The following EIF4H variants were observed in gnomAD, a reference collection of about 807,000 sequenced individuals.
EIF4H encodes the protein eukaryotic translation initiation factor 4H.
In EIF4H, 8 loss-of-function variants were observed where a neutral mutation model predicts 30.6. The observed-to-expected ratio is 0.26, with a 90% CI of 0.15 to 0.47. The LOEUF (loss-of-function observed/expected upper bound fraction) is 0.47. Ranked by LOEUF, EIF4H falls within the 20% of genes least tolerant of loss-of-function variation. The pLI is 0.99. For missense variants in EIF4H, 188 were observed against 339.5 expected (o/e 0.55, Z 3.51); for synonymous variants, 106 against 122.7 (o/e 0.86, Z 0.90).
At chr7:74,187,575 TG>T in intron 1 of EIF4H, 35 bp from the exon 2 acceptor site, 1 of 1,505,274 alleles carries the variant, frequency 6.6e-7, no homozygotes. Context: ...TATTCCACTC[TG>T]GGCACACTTG....
chr7:74,184,554 C>T (rs999085224), intron 1 of EIF4H, among the ~76,000 whole-genome samples: 4 of 152,112 alleles, frequency 2.6e-5, no homozygotes, highest in Non-Finnish European at 5.9e-5. Context: ...CATTACGCAT[C>T]ACTAGATGTT....
intron 2 of EIF4H, 54 bp from the exon 3 acceptor site, chr7:74,189,619 A>G (rs1219274726): frequency 6.2e-7 from 1 of 1,601,756 alleles, no homozygotes; most frequent in Non-Finnish European, 8.5e-7. Flanking sequence ...GGATCTTCCC[A>G]CATCTTTAAC....
chr7:74,196,901 A>T lies in EIF4H; in HGVS notation c.*1593A>T, dbSNP rs1277722183. 5.2e-5 allele frequency: 8 copies of T among 152,758 alleles called. No individual in the cohort carries two copies. The highest frequency in any genetic ancestry group is 4.1e-4 in the South Asian group (2 of 4,826). The allele number at this position is 152,758 out of a possible 1,614,324, so 9.5% of individuals were successfully genotyped here. A position where few individuals can be genotyped will look rare whatever the true frequency, so the allele number is the denominator to read the frequency against. On this transcript the variant is annotated 3_prime_UTR_variant, in exon 7 of 7. Transcript: ENST00000265753. ...TAATCAAACCCGATGCTTTCAGATG[A>T]CCTACTTACATCTTCAATGTGGATA... is the stretch of plus-strand genomic sequence containing the variant.
chr7:74,194,632 C>A, intron 5 of EIF4H, 109 bp from the exon 6 acceptor site: 2 of 1,421,552 alleles, frequency 1.4e-6, no homozygotes, highest in Admixed American at 2.6e-5. Flanking sequence ...AGATAGTGGA[C>A]AAACTAAAGA....
intron 4 of EIF4H, 69 bp from the exon 5 acceptor site, chr7:74,190,178 G>A: frequency 1.3e-6 from 2 of 1,502,394 alleles, no homozygotes; most frequent in South Asian, 1.1e-5. Flanking sequence ...TCTTCCAAAT[G>A]AATTTTTCCA....
intron 1 of EIF4H, among the ~76,000 whole-genome samples, chr7:74,175,885 A>G (rs1009205088): frequency 1.3e-5 from 2 of 152,140 alleles, no homozygotes; most frequent in Non-Finnish European, 1.5e-5. Flanking sequence ...CTTCAGACAC[A>G]TTTGCCAGCT....
At chr7:74,187,929 A>C in intron 2 of EIF4H, 131 bp downstream of exon 2, 2 of 1,055,110 alleles carry the variant, frequency 1.9e-6, no homozygotes. Context: ...TGCCTGGTCT[A>C]AGTGGCCGAA....
chr7:74,178,525 C>T (rs991090442), intron 1 of EIF4H, among the ~76,000 whole-genome samples: 12 of 149,690 alleles, frequency 8.0e-5, no homozygotes, highest in East Asian at 2.0e-4. Context: ...CCAGCCTGGG[C>T]GACAGAGAGA....
At chr7:74,189,632 A>G in intron 2 of EIF4H, 41 bp from the exon 3 acceptor site, 1 of 1,608,976 alleles carries the variant, frequency 6.2e-7, no homozygotes, top group Non-Finnish European at 8.5e-7. Context: ...TCTTTAACCC[A>G]GAATTACTTG....
chr7:74,176,246 T>G (rs1554707649), intron 1 of EIF4H, among the ~76,000 whole-genome samples: 1 of 151,986 alleles, frequency 6.6e-6, no homozygotes, highest in East Asian at 1.9e-4. Flanking sequence ...ATTCTTTTTT[T>G]TTTTTTTTGA....
intron 1 of EIF4H, among the ~76,000 whole-genome samples, chr7:74,175,169 G>A (rs1800809747): frequency 6.6e-6 from 1 of 152,234 alleles, no homozygotes; most frequent in Non-Finnish European, 1.5e-5. Flanking sequence ...GCGTCGTCCT[G>A]ATTGTTGTCA....
intron 1 of EIF4H, among the ~76,000 whole-genome samples, chr7:74,181,068 T>C (rs1341340918): frequency 1.3e-5 from 2 of 152,196 alleles, no homozygotes; most frequent in African/African-American, 4.8e-5. Context: ...TTTAGTGGCA[T>C]GGAGTACCTT....
At chr7:74,183,243 C>T (rs1293777630) in intron 1 of EIF4H, among the ~76,000 whole-genome samples, 1 of 152,160 alleles carries the variant, frequency 6.6e-6, no homozygotes, top group Non-Finnish European at 1.5e-5. Flanking sequence ...CCCTAATGGG[C>T]AGTAGAAAGG....
At chr7:74,183,093 T>A (rs782318176) in intron 1 of EIF4H, among the ~76,000 whole-genome samples, 5 of 152,228 alleles carry the variant, frequency 3.3e-5, no homozygotes, top group Non-Finnish European at 5.9e-5. Context: ...TTCATAGACA[T>A]GCAGATACGT....
intron 1 of EIF4H, 44 bp downstream of exon 1, chr7:74,174,486 G>A: frequency 7.5e-7 from 1 of 1,341,450 alleles, no homozygotes; most frequent in Non-Finnish European, 9.7e-7. Context: ...TGCGGGACCG[G>A]CGGAGTCGGG....
At chr7:74,181,830 C>T (rs1176136808) in intron 1 of EIF4H, among the ~76,000 whole-genome samples, 1 of 151,856 alleles carries the variant, frequency 6.6e-6, no homozygotes, top group Non-Finnish European at 1.5e-5. Flanking sequence ...CGCCACCACC[C>T]CTCAGCCTCC....
At chr7:74,185,593 T>G (rs1475092478) in intron 1 of EIF4H, among the ~76,000 whole-genome samples, 2 of 151,950 alleles carry the variant, frequency 1.3e-5, no homozygotes, top group Non-Finnish European at 2.9e-5. Flanking sequence ...CATCAAAGAA[T>G]CATCACAGCT....
In EIF4H at chr7:74,195,064, A is replaced by G; in HGVS notation, c.608-105A>G. ...GCTGTTGGGGTAGCAGGCCAGGTGA[A>G]TTTTAGAAAGTGGGCTGGTTTGCTG... On this transcript the variant is annotated intron_variant, in intron 6 of 6. Transcript: ENST00000265753. 6.5e-7 allele frequency: 1 copy of G among 1,546,090 alleles called. No individual in the cohort carries two copies. Among genetic ancestry groups the G allele is most frequent in the South Asian group, 1.2e-5 (1 of 80,656 alleles).
chr7:74,180,342 C>G (rs546252114), intron 1 of EIF4H, among the ~76,000 whole-genome samples: 2 of 152,216 alleles, frequency 1.3e-5, no homozygotes, highest in African/African-American at 4.8e-5. Flanking sequence ...AGTGCTTTTC[C>G]TGCAGCAGCC....
Sources: allele counts gnomAD v4.1 joint callset (sites outside exome capture counted in the v4.1 genomes callset), GRCh38; gene constraint gnomAD v4.1.1; transcripts MANE v1.5; gene names NCBI Gene and HGNC (gene_info 2026-07-23, HGNC 2026-07-21).